The following DNA2 variants were observed in gnomAD, a reference collection of about 807,000 sequenced individuals.
DNA2 encodes DNA replication helicase/nuclease 2.
In DNA2, 101 loss-of-function variants were observed where a neutral mutation model predicts 119.1. That is an observed-to-expected ratio of 0.85 (90% CI 0.72 to 1.00). DNA2 has a LOEUF of 1.00. Among genes scored for constraint, DNA2 ranks in the 50% least tolerant of loss-of-function variants. The pLI is 0.00. For missense variants in DNA2, 1,121 were observed against 1,255.5 expected, an observed-to-expected ratio of 0.89 and a Z score of 1.62; for synonymous variants, 366 against 424.4, an observed-to-expected ratio of 0.86 and a Z score of 1.69.
intron 19 of DNA2, among the ~76,000 whole-genome samples, chr10:68,418,106 A>G (rs1266201904): frequency 6.6e-6 from 1 of 152,158 alleles, no homozygotes; most frequent in Non-Finnish European, 1.5e-5. Flanking sequence ...CACTAATTAA[A>G]CTGTACACCT....
rs561720064 is a variant in DNA2 at position 68,430,277 on chromosome 10, A to C, written c.2208+159T>G. On this transcript the variant is annotated intron_variant, in intron 14 of 20. Coordinates refer to ENST00000358410, the MANE Select transcript of DNA2 (RefSeq NM_001080449.3). ...AAAACCTTATTTCAGATCAGAAGGA[A>C]ATAGCAAACTATAAGTTAATAAACT... 7.2e-5 allele frequency among the ~76,000 whole-genome samples: 11 copies of C among 152,296 alleles called. No individual in the cohort carries two copies. In the South Asian group the frequency reaches 2.3e-3, roughly 32 times the overall value.
chr10:68,440,701 C>T (rs2133393893), intron 9 of DNA2, among the ~76,000 whole-genome samples: 1 of 152,268 alleles, frequency 6.6e-6, no homozygotes, highest in South Asian at 2.1e-4. Context: ...AGTATACTCA[C>T]TACACATACG....
rs559110016 is a variant in DNA2, at chr10:68,455,622, A to T, written c.719+3482T>A. Among the ~76,000 whole-genome samples the T allele has an allele frequency of 2.8e-3, 433 of 151,980 alleles. 2 individuals carry two copies. Among genetic ancestry groups the T allele is most frequent in the African/African-American group, 1.0e-2 (414 of 41,452 alleles). ...GATCACTTGAGGTCAGGAGTTCGAG[A>T]CCAGCCTGGCCAACATGGTGAAACC... On this transcript the variant is annotated intron_variant, in intron 5 of 20. Transcript: ENST00000358410.
chr10:68,460,817 G>A (rs915572669), intron 4 of DNA2, among the ~76,000 whole-genome samples: 4 of 151,946 alleles, frequency 2.6e-5, no homozygotes, highest in East Asian at 1.9e-4. Context: ...AGGCTGAAGC[G>A]GAAGGATCGT....
At chr10:68,424,546 G>T in intron 14 of DNA2, 1 of 803,822 alleles carries the variant, frequency 1.2e-6, no homozygotes. Context: ...GCCGCCGCTA[G>T]CCGGAGCATC....
Position 68,449,992 on chromosome 10 carries a change from GTATAAAACAGACAATTTTCTTATTAA to G in DNA2, c.939+10_939+35del. 1.0e-6 allele frequency: 1 copy of G among 1,003,950 alleles called. No individual in the cohort carries two copies. Among genetic ancestry groups the G allele is most frequent in the East Asian group, 2.8e-5 (1 of 35,280 alleles). The allele number at this position is 1,003,950 out of a possible 1,614,324, so 62.2% of individuals were successfully genotyped here. A position where few individuals can be genotyped will look rare whatever the true frequency, so the allele number is the denominator to read the frequency against. Reference sequence around the variant, plus strand: ...CTGTCTCAAAAAAAAAAAAAAAAAAGTATAAAACAGACAATTTTCTTATTAACATTTATACCTGACTACGGTGTTCA... The same window carrying G: ...CTGTCTCAAAAAAAAAAAAAAAAAAGCATTTATACCTGACTACGGTGTTCA... On this transcript the variant is annotated intron_variant, in intron 6 of 20. Transcript: ENST00000358410.
chr10:68,437,971 CA>C (rs2051914468), intron 9 of DNA2, among the ~76,000 whole-genome samples: 1 of 152,092 alleles, frequency 6.6e-6, no homozygotes, highest in Non-Finnish European at 1.5e-5. Context: ...CTCAGCCTCC[CA>C]AAGTGCTGGG....
intron 5 of DNA2, among the ~76,000 whole-genome samples, chr10:68,457,708 C>A (rs2052202748): frequency 6.6e-6 from 1 of 150,742 alleles, no homozygotes. Flanking sequence ...ACATATTTCC[C>A]CTATAAAATT....
intron 7 of DNA2, 102 bp from the exon 8 acceptor site, chr10:68,445,185 C>T (rs1294130766): frequency 3.6e-6 from 4 of 1,126,566 alleles, no homozygotes; most frequent in Non-Finnish European, 5.0e-6. Flanking sequence ...CATTTTAGGG[C>T]CGGGCACAAT....
intron 14 of DNA2, 80 bp from the exon 15 acceptor site, chr10:68,422,970 G>T (rs2051686587): frequency 6.4e-6 from 7 of 1,093,462 alleles, no homozygotes; most frequent in Non-Finnish European, 9.0e-6. Context: ...GAAATGAAAA[G>T]ATCAAAAGGT....
chr10:68,471,994 CA>C, upstream of DNA2: 1 of 1,611,192 alleles, frequency 6.2e-7, no homozygotes, highest in Non-Finnish European at 8.5e-7. Flanking sequence ...GCAGATGTCC[CA>C]AATGACCTGC....
intron 8 of DNA2, among the ~76,000 whole-genome samples, chr10:68,443,637 GA>G (rs1157839522): frequency 6.6e-6 from 1 of 152,124 alleles, no homozygotes; most frequent in African/African-American, 2.4e-5. Flanking sequence ...GAGATCCCTT[GA>G]AAAAATACCT....
chr10:68,470,315 A>G (rs1014407659), intron 1 of DNA2, among the ~76,000 whole-genome samples, 152 bp from the exon 2 acceptor site: 9 of 152,246 alleles, frequency 5.9e-5, no homozygotes, highest in African/African-American at 2.2e-4. Flanking sequence ...AGGTAAAATT[A>G]AGAGAGCAAA....
Position 68,430,660 on chromosome 10 carries a change from C to T in DNA2, c.1984G>A (p.Val662Ile). 3 of 1,562,264 alleles carry T rather than the reference C, an allele frequency of 1.9e-6. No homozygotes were observed. Among genetic ancestry groups the T allele is most frequent in the Non-Finnish European group, 2.6e-6 (3 of 1,155,484 alleles). Residue 662 changes from valine to isoleucine, a missense_variant and splice_region_variant, in exon 14 of 21, where the codon GTA (valine) becomes ATA (isoleucine). Val to Ile is a conservative substitution (Grantham distance 29). Coordinates refer to ENST00000358410, the MANE Select transcript of DNA2 (RefSeq NM_001080449.3). ...AAACCACAGGCGTAGAGAATTCTTACCTAATAATGGGTAAGAGAAAAAAGA... is the reference window on the plus strand; with the variant it reads ...AAACCACAGGCGTAGAGAATTCTTATCTAATAATGGGTAAGAGAAAAAAGA... Reference protein sequence around the residue: ...TGKTTTICTLVRILYACGFSV... With the variant: ...TGKTTTICTLIRILYACGFSV...
At chr10:68,420,959 G>C (rs1377819490) in intron 17 of DNA2, among the ~76,000 whole-genome samples, 3 of 149,064 alleles carry the variant, frequency 2.0e-5, no homozygotes, top group African/African-American at 7.4e-5. Context: ...TTTTTTTTGA[G>C]ATGGAGTTTC....
intron 9 of DNA2, 45 bp from the exon 10 acceptor site, chr10:68,437,286 A>G: frequency 6.9e-7 from 1 of 1,454,838 alleles, no homozygotes; most frequent in Non-Finnish European, 9.4e-7. Context: ...TATATTACAT[A>G]CGTAAGTATT....
At chr10:68,425,851 C>T (rs916761007) in intron 14 of DNA2, among the ~76,000 whole-genome samples, 2 of 151,006 alleles carry the variant, frequency 1.3e-5, no homozygotes, top group African/African-American at 4.9e-5. Context: ...AAACAAATAC[C>T]AGGCCAGGCG....
chr10:68,437,381 AT>A, intron 9 of DNA2, 140 bp from the exon 10 acceptor site: 2 of 715,462 alleles, frequency 2.8e-6, no homozygotes, highest in Non-Finnish European at 4.5e-6. Context: ...CACGCCTGTA[AT>A]CCCAACACTC....
intron 1 of DNA2, among the ~76,000 whole-genome samples, chr10:68,471,334 A>G (rs567548806): frequency 6.6e-6 from 1 of 152,324 alleles, no homozygotes; most frequent in East Asian, 1.9e-4. Context: ...AAGTCCCTCA[A>G]CGCTAATTAG....
Sources: allele counts gnomAD v4.1 joint callset (sites outside exome capture counted in the v4.1 genomes callset), GRCh38; gene constraint gnomAD v4.1.1; transcripts MANE v1.5; gene names NCBI Gene and HGNC (gene_info 2026-07-23, HGNC 2026-07-21).